Variants in DNAH6 observed in about 807,000 individuals in gnomAD.
The protein encoded by DNAH6 is axonemal beta dynein heavy chain 6.
DNAH6 carries 340 observed loss-of-function variants against 491.4 expected under a neutral mutation model. The ratio of observed to expected loss-of-function variants is 0.69; its 90% CI spans 0.63 to 0.76. The LOEUF (loss-of-function observed/expected upper bound fraction) is 0.76. Among genes scored for constraint, DNAH6 ranks in the 30% least tolerant of loss-of-function variants. DNAH6 has a pLI of 0.00. For synonymous variants in DNAH6, 1,603 were observed against 1,686.1 expected (o/e 0.95, Z 1.21); for missense variants, 4,443 against 4,972.2 (o/e 0.89, Z 3.20).
intron 65 of DNAH6, among the ~76,000 whole-genome samples, chr2:84,782,010 C>T (rs775677629): frequency 3.3e-5 from 5 of 152,252 alleles, no homozygotes; most frequent in Non-Finnish European, 5.9e-5. Context: ...TGTAAAGGAA[C>T]AGAGTTCAAA....
chr2:84,476,084 G>C, the DNAH6 span, among the ~76,000 whole-genome samples: 7 of 152,190 alleles, frequency 4.6e-5, no homozygotes. Context: ...TACTGAGGTG[G>C]AGTGAAAACA....
intron 47 of DNAH6, among the ~76,000 whole-genome samples, chr2:84,698,981 G>A (rs2104813550): frequency 6.6e-6 from 1 of 152,180 alleles, no homozygotes; most frequent in South Asian, 2.1e-4. Flanking sequence ...TAAACATTGG[G>A]TAACATGGAC....
In DNAH6 at chr2:84,787,255, A is replaced by T; in HGVS notation, c.11192A>T (p.Tyr3731Phe). The T allele has an allele frequency of 1.3e-6, 2 of 1,547,622 alleles. No homozygotes were observed. Among genetic ancestry groups the T allele is most frequent in the Non-Finnish European group, 1.7e-6 (2 of 1,144,272 alleles). Residue 3731 changes from tyrosine (Y) to phenylalanine (F), a missense_variant, in exon 68 of 77, where the codon TAT becomes TTT. Physicochemically the swap from Tyr to Phe is conservative, Grantham distance 22. Around this residue, in one of 3 missense-constraint regions of DNAH6, gnomAD observed 1,463 missense variants for 1,656.6 expected, o/e 0.88. Transcript: ENST00000389394. ...TGTGCTTTACTGAATCTCAAACTCTATTGTAAAGAAGGAAAGATTCCCTGG... is the reference window on the plus strand; with the variant it reads ...TGTGCTTTACTGAATCTCAAACTCTTTTGTAAAGAAGGAAAGATTCCCTGG... ...RECALLNLKLYCKEGKIPWDA... is the reference protein window; with the variant it reads ...RECALLNLKLFCKEGKIPWDA...
rs1573251120 is a variant in DNAH6 at position 84,621,192 on chromosome 2, T to A, written c.3794T>A (p.Val1265Asp). Residue 1265 changes from valine to aspartate, a missense_variant and splice_region_variant, in exon 25 of 77, where the codon GTT becomes GAT. Val to Asp is a radical substitution (Grantham distance 152). Around this residue, in one of 3 missense-constraint regions of DNAH6, gnomAD observed 2,977 missense variants for 3,296.6 expected, o/e 0.90. Transcript: ENST00000389394. ...LAMLSPEGER[V>D]SLGKGLKARG... ...ATCAATGCTCTGATTACCTTTTAGG[T>A]TAGCTTGGGGAAAGGCCTCAAGGCC... 2.6e-6 allele frequency: 4 copies of A among 1,551,438 alleles called. No individual in the cohort carries two copies. In the East Asian group the frequency reaches 9.8e-5, roughly 38 times the overall value.
At chr2:84,727,643 C>T (rs978632474) in intron 60 of DNAH6, 26 bp from the exon 61 acceptor site, 1 of 1,371,958 alleles carries the variant, frequency 7.3e-7, no homozygotes, top group Admixed American at 2.0e-5. Flanking sequence ...AAATCAGAGA[C>T]ATTGATAGAG....
intron 9 of DNAH6, among the ~76,000 whole-genome samples, chr2:84,551,148 C>T (rs1679313372): frequency 6.6e-6 from 1 of 152,198 alleles, no homozygotes; most frequent in Admixed American, 6.5e-5. Flanking sequence ...TTATGCAATA[C>T]ACAACCTGAT....
At chr2:84,584,315 A>C (rs1683326502) in intron 15 of DNAH6, 65 bp downstream of exon 15, 4 of 1,487,434 alleles carry the variant, frequency 2.7e-6, no homozygotes, top group South Asian at 2.5e-5. Flanking sequence ...TTTGTTTATT[A>C]AAGTATAATC....
chr2:84,604,645 T>G, intron 19 of DNAH6, 94 bp downstream of exon 19: 1 of 854,316 alleles, frequency 1.2e-6, no homozygotes, highest in Non-Finnish European at 1.8e-6. Context: ...TTTTCAACGT[T>G]GCAGCTTTCA....
chr2:84,545,427 C>T (rs906320412), intron 5 of DNAH6, among the ~76,000 whole-genome samples: 1 of 152,056 alleles, frequency 6.6e-6, no homozygotes, highest in African/African-American at 2.4e-5. Context: ...GTTATTTTAC[C>T]ATCTTTCATC....
intron 68 of DNAH6, among the ~76,000 whole-genome samples, chr2:84,788,862 A>G (rs1484909411): frequency 6.6e-6 from 1 of 152,242 alleles, no homozygotes; most frequent in African/African-American, 2.4e-5. Flanking sequence ...ATTTTATGGG[A>G]AAATTAAGAA....
intron 33 of DNAH6, among the ~76,000 whole-genome samples, chr2:84,647,490 G>A (rs1489120857): frequency 5.3e-5 from 8 of 152,144 alleles, no homozygotes; most frequent in African/African-American, 1.9e-4. Context: ...ACTCTAGTTA[G>A]GGGCTAAAGC....
intron 30 of DNAH6, 85 bp downstream of exon 30, chr2:84,634,726 T>C (rs982914772): frequency 1.7e-5 from 24 of 1,384,926 alleles, no homozygotes; most frequent in Non-Finnish European, 5.6e-6. Flanking sequence ...AGGAAGGAGA[T>C]GCTAAAAATG....
intron 59 of DNAH6, among the ~76,000 whole-genome samples, chr2:84,718,785 T>C (rs1294755524): frequency 6.6e-6 from 1 of 152,244 alleles, no homozygotes; most frequent in Non-Finnish European, 1.5e-5. Flanking sequence ...CTTGACACTG[T>C]TTATCCTATG....
rs1016695519 is a variant in DNAH6, at chr2:84,709,384, C to T, written c.9090C>T (p.Ile3030=). Residue 3030 remains isoleucine, a synonymous_variant, in exon 55 of 77, where the codon ATC becomes ATT. Transcript: ENST00000389394. ...TCCAGGACTGTCAGTCTCTGGAGAT[C>T]CCAATCGATCCTTCCTTCAGTCTCA... The part of the protein sequence containing the change: ...CWIQDCQSLE[I]PIDPSFSLIN... 6.4e-7 allele frequency: 1 copy of T among 1,551,644 alleles called. No homozygotes were observed. The highest frequency in any genetic ancestry group is 8.7e-7 in the Non-Finnish European group (1 of 1,146,996).
intron 29 of DNAH6, among the ~76,000 whole-genome samples, chr2:84,628,119 C>A (rs982666889): frequency 6.6e-6 from 1 of 152,234 alleles, no homozygotes; most frequent in South Asian, 2.1e-4. Context: ...CAAGTGATCA[C>A]CCCTAGATTC....
At chr2:84,755,896 C>T (rs552294232) in intron 63 of DNAH6, among the ~76,000 whole-genome samples, 271 of 152,210 alleles carry the variant, frequency 1.8e-3, no homozygotes, top group Non-Finnish European at 2.9e-3. Context: ...AAATCTTTCC[C>T]GTGCTGTTCT....
chr2:84,806,618 CAAAAAAA>C (rs1162301447), intron 71 of DNAH6, among the ~76,000 whole-genome samples: 3 of 38,502 alleles, frequency 7.8e-5, no homozygotes, highest in African/African-American at 1.8e-4. Flanking sequence ...GACTCAGTCT[CAAAAAAA>C]AAAAAAAAAA....
chr2:84,772,353 A>G (rs567563631), intron 64 of DNAH6, among the ~76,000 whole-genome samples: 1 of 152,238 alleles, frequency 6.6e-6, no homozygotes, highest in East Asian at 1.9e-4. Flanking sequence ...ATTAGTAATT[A>G]TATTAAATGC....
chr2:84,715,893 C>A (rs918247140), intron 58 of DNAH6, among the ~76,000 whole-genome samples: 8 of 152,074 alleles, frequency 5.3e-5, no homozygotes, highest in Non-Finnish European at 1.2e-4. Context: ...GGCTGGCAGC[C>A]CAGCCCTGCC....
Sources: allele counts gnomAD v4.1 joint callset (sites outside exome capture counted in the v4.1 genomes callset), GRCh38; gene constraint gnomAD v4.1.1; regional missense constraint gnomAD v4.1.1; transcripts MANE v1.5; gene names NCBI Gene and HGNC (gene_info 2026-07-23, HGNC 2026-07-21).